The following LILRB5 variants were observed in gnomAD, a reference collection of about 807,000 sequenced individuals.
LILRB5 encodes the protein leukocyte immunoglobulin like receptor B5.
Under a neutral mutation model 68.4 loss-of-function variants are expected in LILRB5, and 61 were observed. The ratio of observed to expected loss-of-function variants is 0.89; its 90% CI spans 0.73 to 1.10. LILRB5 has a LOEUF of 1.10. Ranked by LOEUF, LILRB5 falls within the 50% of genes least tolerant of loss-of-function variation. The probability of loss-of-function intolerance (pLI) is 0.00; values close to 1 mark genes in which losing one functional copy is unlikely to be tolerated. For synonymous variants in LILRB5, 356 were observed against 315.8 expected (o/e 1.13, Z -1.35); for missense variants, 771 against 751.6 (o/e 1.03, Z -0.30).
At chr19:54,255,722 G>T in intron 4 of LILRB5, 140 bp from the exon 5 acceptor site, 1 of 1,090,478 alleles carries the variant, frequency 9.2e-7, no homozygotes, top group Admixed American at 2.7e-5. Flanking sequence ...CTTCTCACCT[G>T]GGTCTGTCTT....
chr19:54,251,828 G>A (rs569861581), intron 12 of LILRB5: 19 of 719,922 alleles, frequency 2.6e-5, no homozygotes, highest in East Asian at 2.1e-4. Context: ...ACAACCAGAC[G>A]GCCAAACAGA....
intron 9 of LILRB5, 26 bp from the exon 10 acceptor site, chr19:54,252,575 G>C: frequency 6.2e-7 from 1 of 1,612,854 alleles, no homozygotes; most frequent in Non-Finnish European, 8.5e-7. Flanking sequence ...CAGAGGGTCA[G>C]GCCTGGGAGA....
Position 54,250,625 on chromosome 19 carries a change from G to A in LILRB5, c.*161C>T, listed in dbSNP as rs2078909981. ...GCAAGGATATTAGTCATCTTTGACT[G>A]CAGAATCTAGTGAGTCCCAGAGTTC... On this transcript the variant is annotated 3_prime_UTR_variant, in exon 13 of 13. Transcript: ENST00000449561. 1.2e-6 allele frequency: 1 copy of A among 814,968 alleles called. No individual in the cohort carries two copies. The highest frequency in any genetic ancestry group is 2.7e-5 in the East Asian group (1 of 37,680). 50.5% of individuals were successfully genotyped at this position (814,968 alleles called of 1,614,324 possible). A position where few individuals can be genotyped will look rare whatever the true frequency, so the allele number is the denominator to read the frequency against.
At chr19:54,254,207 A>G (rs1445104746) in intron 7 of LILRB5, 139 bp from the exon 8 acceptor site, 1 of 1,470,534 alleles carries the variant, frequency 6.8e-7, no homozygotes, top group Non-Finnish European at 9.1e-7. Context: ...CCAGCCTCAG[A>G]GCCCCGGGGA....
rs1362345209 is a variant in LILRB5 at position 54,250,776 on chromosome 19, C to T, written c.*10G>A. ...CTTCTGTTGAGTATGAGATCTGGGT[C>T]CCCCGTGGGCTAGTGGATGGCCAGG... On this transcript the variant is annotated 3_prime_UTR_variant, in exon 13 of 13. Coordinates refer to ENST00000449561, the MANE Select transcript of LILRB5 (RefSeq NM_001081442.3). 44 of 1,613,764 alleles carry T rather than the reference C, an allele frequency of 2.7e-5. No individual in the cohort carries two copies. Among genetic ancestry groups the T allele is most frequent in the Non-Finnish European group, 3.4e-5 (40 of 1,179,970 alleles).
rs1367942602 is a variant in LILRB5, at chr19:54,255,425, G to T, written c.813C>A (p.Pro271=). ...AGTTGGCCTGGGAGAGCCCAGCCTG[G>T]GGCTGCTGGCCAGAGCCCTGGACGA... is the stretch of plus-strand genomic sequence containing the variant. The part of the protein sequence containing the change: ...HDLVQGSGQQ[P]QAGLSQANFT... Residue 271 remains proline (P), a synonymous_variant, in exon 5 of 13, where the codon CCC becomes CCA. Transcript: ENST00000449561. The T allele has an allele frequency of 6.2e-7, 1 of 1,614,144 alleles. No individual in the cohort carries two copies.
At position 54,255,442 on chromosome 19, in the gene LILRB5, C is replaced by G. The variant is rs150828702; in HGVS notation, c.796G>C (p.Gly266Arg). ...CCAGCCTGGGGCTGCTGGCCAGAGC[C>G]CTGGACGAGGTCATGTTCCCCCTCC... ...YKEGEHDLVQGSGQQPQAGLS... is the reference protein window; with the variant it reads ...YKEGEHDLVQRSGQQPQAGLS... The change falls in exon 5 of 13, where the codon GGC becomes CGC. Residue 266 changes from glycine to arginine, a missense_variant. Transcript: ENST00000449561. 40 of 1,613,930 alleles carry G rather than the reference C, an allele frequency of 2.5e-5. No individual in the cohort carries two copies. The highest frequency in any genetic ancestry group is 3.1e-5 in the Non-Finnish European group (37 of 1,179,960).
chr19:54,256,159 A>G lies in LILRB5; in HGVS notation c.539T>C (p.Phe180Ser), dbSNP rs2079134525. ...GCTGGGGGTCACGGGACCCACAGGG[A>G]ACAGGGCCTGGGATGGCCCTTTGGG... ...KLPKGPSQAL[F>S]PVGPVTPSCR... is the part of the protein sequence containing the mutation. Residue 180 changes from phenylalanine (F) to serine (S), a missense_variant, in exon 4 of 13, where the codon TTC (phenylalanine) becomes TCC (serine). Coordinates refer to ENST00000449561, the MANE Select transcript of LILRB5 (RefSeq NM_001081442.3). The G allele has an allele frequency of 6.2e-7, 1 of 1,613,314 alleles. No homozygotes were observed. Among genetic ancestry groups the G allele is most frequent in the South Asian group, 1.1e-5 (1 of 91,020 alleles).
In LILRB5 at chr19:54,257,270, G is replaced by T. The variant is rs1043203502; in HGVS notation, c.-77C>A. ...CTGGCAGGACACAAAAACACGCAGA[G>T]TGTGGACTGGAGGCTGGGTTCTCCC... On this transcript the variant is annotated 5_prime_UTR_variant, in exon 1 of 13. Coordinates refer to ENST00000449561, the MANE Select transcript of LILRB5 (RefSeq NM_001081442.3). 3.2e-6 allele frequency: 5 copies of T among 1,583,572 alleles called. No homozygotes were observed. In the African/African-American group the frequency reaches 5.4e-5, roughly 17 times the overall value.
rs1452287786 is a variant in LILRB5, at chr19:54,252,121, C to T, written c.1577-15G>A. ...CACGGCAGCATCTGCTGGGCCAGAG[C>T]AAGGGGTTCATCTCCTGGGAAGGTT... On this transcript the variant is annotated splice_polypyrimidine_tract_variant and intron_variant, in intron 11 of 12. Coordinates refer to ENST00000449561, the MANE Select transcript of LILRB5 (RefSeq NM_001081442.3). The T allele has an allele frequency of 6.2e-7, 1 of 1,613,864 alleles. No individual in the cohort carries two copies. The highest frequency in any genetic ancestry group is 8.5e-7 in the Non-Finnish European group (1 of 1,179,818).
In LILRB5 at chr19:54,255,586, G is replaced by A. The variant is rs745381006; in HGVS notation, c.656-4C>T. 3 of 1,611,180 alleles carry A rather than the reference G, an allele frequency of 1.9e-6. No individual in the cohort carries two copies. The Admixed American group carries it at 5.0e-5, about 27-fold the overall frequency. The stretch of plus-strand genomic sequence containing the variant: ...AGGGAGGGCTTCCTAGACACGCCTG[G>A]AGGGAAAGAGGAATTGGGACTTGGA... On this transcript the variant is annotated splice_region_variant and splice_polypyrimidine_tract_variant and intron_variant, in intron 4 of 12. Coordinates refer to ENST00000449561, the MANE Select transcript of LILRB5 (RefSeq NM_001081442.3).
At chr19:54,254,191 A>C in intron 7 of LILRB5, 123 bp from the exon 8 acceptor site, 1 of 1,494,484 alleles carries the variant, frequency 6.7e-7, no homozygotes, top group Non-Finnish European at 9.0e-7. Context: ...CCGCCCCCTC[A>C]CCGGCCCAGC....
In LILRB5 at chr19:54,256,339, A is replaced by G; in HGVS notation, c.359T>C (p.Phe120Ser). Residue 120 changes from phenylalanine (F) to serine (S), a missense_variant, in exon 4 of 13, where the codon TTC becomes TCC. By Grantham distance (155) the Phe-to-Ser change is radical. Coordinates refer to ENST00000449561, the MANE Select transcript of LILRB5 (RefSeq NM_001081442.3). ...GGCTAAAAGAGTGGGTTCTGCATAGAATCCTAGCAGAGAAGGAGGCACGTC... is the reference window on the plus strand; with the variant it reads ...GGCTAAAAGAGTGGGTTCTGCATAGGATCCTAGCAGAGAAGGAGGCACGTC... The part of the protein sequence containing the change: ...SDPLELVATG[F>S]YAEPTLLALP... 1 of 1,603,964 alleles carries G rather than the reference A, an allele frequency of 6.2e-7. No homozygotes were observed. The highest frequency in any genetic ancestry group is 8.5e-7 in the Non-Finnish European group (1 of 1,174,878).
At position 54,255,514 on chromosome 19, in the gene LILRB5, G is replaced by C. The variant is rs1007591141; in HGVS notation, c.724C>G (p.Leu242Val). 3.1e-6 allele frequency: 5 copies of C among 1,613,932 alleles called. No homozygotes were observed. In the African/African-American group the frequency reaches 6.7e-5, roughly 22 times the overall value. Residue 242 changes from leucine (L) to valine (V), a missense_variant, in exon 5 of 13, where the codon CTG becomes GTG. Coordinates refer to ENST00000449561, the MANE Select transcript of LILRB5 (RefSeq NM_001081442.3). The part of the protein sequence containing the change: ...SVVARGGSLT[L>V]QCRSDVGYDI... ...TAGCCGACATCAGAGCGACACTGCA[G>C]GGTCAGGCTGCCTCCGCGGGCCACG...
At chr19:54,256,468 G>A (rs2079146606) in intron 3 of LILRB5, 21 bp downstream of exon 3, 1 of 1,612,826 alleles carries the variant, frequency 6.2e-7, no homozygotes, top group Non-Finnish European at 8.5e-7. Flanking sequence ...CTGGGGCTGG[G>A]ACCCCTGAGT....
chr19:54,254,769 G>T lies in LILRB5; in HGVS notation c.1221C>A (p.Ser407=), dbSNP rs1305263964. The change falls in exon 6 of 13, where the codon TCC becomes TCA. Residue 407 remains serine, a synonymous_variant. Transcript: ENST00000449561. ...SAIRSYPYLL[S]SPSYPQELVV... Reference sequence around the variant, plus strand: ...CGAGCTCCTGGGGGTAACTAGGGCTGGACAGCAGGTAGGGGTAGGACCTGA... The same window carrying T: ...CGAGCTCCTGGGGGTAACTAGGGCTTGACAGCAGGTAGGGGTAGGACCTGA... 6.2e-7 allele frequency: 1 copy of T among 1,614,128 alleles called. No individual in the cohort carries two copies. The highest frequency in any genetic ancestry group is 8.5e-7 in the Non-Finnish European group (1 of 1,179,996).
In LILRB5 at chr19:54,250,762, T is replaced by C; in HGVS notation, c.*24A>G. On this transcript the variant is annotated 3_prime_UTR_variant, in exon 13 of 13. Coordinates refer to ENST00000449561, the MANE Select transcript of LILRB5 (RefSeq NM_001081442.3). ...AGTCTCTGAGTCTCCTTCTGTTGAG[T>C]ATGAGATCTGGGTCCCCCGTGGGCT... The C allele has an allele frequency of 6.2e-7, 1 of 1,613,732 alleles. No individual in the cohort carries two copies. The highest frequency in any genetic ancestry group is 8.5e-7 in the Non-Finnish European group (1 of 1,179,864).
At position 54,256,245 on chromosome 19, in the gene LILRB5, G is replaced by T; in HGVS notation, c.453C>A (p.Leu151=). 6.2e-7 allele frequency: 1 copy of T among 1,614,042 alleles called. No individual in the cohort carries two copies. The highest frequency in any genetic ancestry group is 2.2e-5 in the East Asian group (1 of 44,866). The change falls in exon 4 of 13, where the codon CTC becomes CTA. Residue 151 remains leucine, a synonymous_variant. Coordinates refer to ENST00000449561, the MANE Select transcript of LILRB5 (RefSeq NM_001081442.3). ...TLQCDTLDGL[L]TFVLVEEEQK... ...GTTCTTCCTCAACAAGAACAAACGT[G>T]AGAAGTCCGTCCAGTGTATCACACT... is the stretch of plus-strand genomic sequence containing the variant.
chr19:54,252,512 C>T lies in LILRB5; in HGVS notation c.1512G>A (p.Glu504=), dbSNP rs1213352983. Reference sequence around the variant, plus strand: ...TCTTCTGCAGGCCCTGGTCCTTGGGCTCTGGCCCCGCAGCCCCTGCAGGAC... The same window carrying T: ...TCTTCTGCAGGCCCTGGTCCTTGGGTTCTGGCCCCGCAGCCCCTGCAGGAC... ...FYRPAGAAGP[E]PKDQGLQKRA... Residue 504 remains glutamate (E), a synonymous_variant, in exon 10 of 13, where the codon GAG becomes GAA. Transcript: ENST00000449561. 1.9e-6 allele frequency: 3 copies of T among 1,614,036 alleles called. No individual in the cohort carries two copies. The highest frequency in any genetic ancestry group is 2.5e-6 in the Non-Finnish European group (3 of 1,180,038).
Sources: allele counts gnomAD v4.1 joint callset, GRCh38; gene constraint gnomAD v4.1.1; transcripts MANE v1.5; gene names NCBI Gene and HGNC (gene_info 2026-07-23, HGNC 2026-07-21).